The following JAK1 variants were observed in gnomAD, a reference collection of about 807,000 sequenced individuals.
JAK1 encodes tyrosine-protein kinase JAK1.
Under a neutral mutation model 136.6 loss-of-function variants are expected in JAK1, and 16 were observed. The observed-to-expected ratio is 0.12, with a 90% CI of 0.08 to 0.18. The LOEUF is 0.18. JAK1 is among the 10% of genes least tolerant of loss of function. JAK1 has a pLI of 1.00. For synonymous variants in JAK1, 492 were observed against 519.5 expected (o/e 0.95, Z 0.72); for missense variants, 859 against 1,450.1 (o/e 0.59, Z 6.62).
chr1:64,878,561 GTA>G (rs56881589), intron 4 of JAK1, among the ~76,000 whole-genome samples: 5,927 of 116,692 alleles, frequency 0.051, 141 homozygotes, highest in Non-Finnish European at 0.067. Flanking sequence ...TATATAGTGT[GTA>G]TATATATATA....
chr1:64,937,007 T>G (rs1386404897), intron 1 of JAK1, among the ~76,000 whole-genome samples: 1 of 151,616 alleles, frequency 6.6e-6, no homozygotes, highest in Non-Finnish European at 1.5e-5. Flanking sequence ...GCTTAGGCCT[T>G]TTACAGAAAA....
At chr1:65,021,932 C>A (rs899063291) in intron 2 of JAK1, among the ~76,000 whole-genome samples, 5 of 152,180 alleles carry the variant, frequency 3.3e-5, no homozygotes, top group Non-Finnish European at 5.9e-5. Flanking sequence ...TTCCCACATA[C>A]TGGAGGAGTA....
chr1:64,996,177 C>A (rs1001607574), intron 2 of JAK1, among the ~76,000 whole-genome samples: 3 of 152,156 alleles, frequency 2.0e-5, no homozygotes, highest in African/African-American at 7.2e-5. Context: ...CTTATTCTTA[C>A]CCCACATGCA....
At chr1:64,978,141 G>C (rs545103277) in intron 2 of JAK1, among the ~76,000 whole-genome samples, 34 of 152,236 alleles carry the variant, frequency 2.2e-4, no homozygotes, top group Non-Finnish European at 3.4e-4. Context: ...AGCTGGGCGT[G>C]GTGGTGCGCG....
chr1:64,837,638 T>A (rs1170424478), intron 22 of JAK1, among the ~76,000 whole-genome samples: 1 of 152,212 alleles, frequency 6.6e-6, no homozygotes, highest in Non-Finnish European at 1.5e-5. Flanking sequence ...CTGCATCAGA[T>A]GAATGCCCTC....
At chr1:64,843,122 C>T (rs1655013039) in intron 17 of JAK1, among the ~76,000 whole-genome samples, 1 of 152,162 alleles carries the variant, frequency 6.6e-6, no homozygotes, top group South Asian at 2.1e-4. Flanking sequence ...GTAGGTTCTG[C>T]AGCCTGGAAT....
At chr1:64,900,603 T>C (rs1380532924) in intron 1 of JAK1, among the ~76,000 whole-genome samples, 4 of 152,172 alleles carry the variant, frequency 2.6e-5, no homozygotes. Flanking sequence ...TTGTCTCTGT[T>C]CTAACTCTGT....
At chr1:64,916,401 A>C (rs1057042286) in intron 1 of JAK1, among the ~76,000 whole-genome samples, 4 of 152,220 alleles carry the variant, frequency 2.6e-5, no homozygotes, top group Non-Finnish European at 5.9e-5. Context: ...AGGTTGATAG[A>C]AATGTTCTAT....
upstream of JAK1, among the ~76,000 whole-genome samples, chr1:64,969,699 C>T (rs1196220908): frequency 6.6e-6 from 1 of 152,098 alleles, no homozygotes; most frequent in Non-Finnish European, 1.5e-5. Context: ...TTAGATGTGG[C>T]TACTGAGGCA....
intron 1 of JAK1, among the ~76,000 whole-genome samples, chr1:64,887,839 C>G (rs1644875214): frequency 6.6e-6 from 1 of 152,188 alleles, no homozygotes; most frequent in Non-Finnish European, 1.5e-5. Context: ...CAGAAAGGAG[C>G]TAGGCTTGTC....
At chr1:64,966,049 C>G (rs1373372369) in intron 1 of JAK1, among the ~76,000 whole-genome samples, 3 of 150,908 alleles carry the variant, frequency 2.0e-5, no homozygotes, top group Non-Finnish European at 4.4e-5. Flanking sequence ...GAAAACTTGC[C>G]GTGCGCGCTG....
intron 21 of JAK1, among the ~76,000 whole-genome samples, 179 bp downstream of exon 21, chr1:64,838,285 TA>T (rs1325153764): frequency 2.0e-5 from 3 of 152,240 alleles, no homozygotes; most frequent in Non-Finnish European, 2.9e-5. Context: ...CACATTAAAA[TA>T]ACCATATTTA....
chr1:64,915,482 G>C (rs745979096), intron 1 of JAK1, among the ~76,000 whole-genome samples: 1 of 152,186 alleles, frequency 6.6e-6, no homozygotes, highest in Non-Finnish European at 1.5e-5. Flanking sequence ...GGTGAAGAAA[G>C]AGGGCCAGAG....
intron 2 of JAK1, among the ~76,000 whole-genome samples, chr1:65,016,503 T>C (rs1320516292): frequency 1.3e-5 from 2 of 152,036 alleles, no homozygotes; most frequent in Non-Finnish European, 2.9e-5. Flanking sequence ...GCGCCTGTAG[T>C]CCCAACTACT....
chr1:65,043,362 TTAA>T (rs752742954), intron 2 of JAK1, among the ~76,000 whole-genome samples: 2 of 152,142 alleles, frequency 1.3e-5, no homozygotes, highest in Non-Finnish European at 2.9e-5. Flanking sequence ...CAGATTTTCA[TTAA>T]TAATAAAACA....
intron 2 of JAK1, among the ~76,000 whole-genome samples, chr1:64,996,374 T>C (rs565501735): frequency 6.6e-6 from 1 of 152,344 alleles, no homozygotes; most frequent in East Asian, 1.9e-4. Context: ...ATGCATAGAA[T>C]GTAAAATTTT....
Position 64,841,254 on chromosome 1 carries a change from G to A in JAK1, c.2640C>T (p.Asp880=), listed in dbSNP as rs1160992699. The change falls in exon 19 of 25, where the codon GAC becomes GAT. Residue 880 remains aspartate, a synonymous_variant. Coordinates refer to ENST00000342505, the MANE Select transcript of JAK1 (RefSeq NM_002227.4). The stretch of plus-strand genomic sequence containing the variant: ...CACGGGTGTAACTTACCTCTCCCAA[G>A]TCACGGATCCTCTTTAGGAAGCGCT... ...FEKRFLKRIR[D]LGEGHFGKVE... The A allele has an allele frequency of 6.2e-7, 1 of 1,613,462 alleles. No individual in the cohort carries two copies. The highest frequency in any genetic ancestry group is 2.2e-5 in the East Asian group (1 of 44,882).
intron 1 of JAK1, chr1:65,066,590 G>A (rs1324064185): frequency 6.6e-6 from 1 of 151,886 alleles, no homozygotes; most frequent in Non-Finnish European, 1.5e-5. Flanking sequence ...GCCACTGACG[G>A]ACCCCTCTTC....
At chr1:65,004,003 G>A (rs534638084) in intron 2 of JAK1, 1 of 152,260 alleles carries the variant, frequency 6.6e-6, no homozygotes, top group South Asian at 2.1e-4. Context: ...GTGCAGCGGC[G>A]CGATCTCAGC....
Sources: gnomAD v4.1 joint callset for allele counts (sites outside exome capture counted in the v4.1 genomes callset) on GRCh38, gnomAD v4.1.1 for gene constraint, MANE v1.5 for transcripts, NCBI Gene and HGNC (gene_info 2026-07-23, HGNC 2026-07-21) for gene names.